Variants in NEDD1 observed in about 807,000 individuals in gnomAD.
NEDD1 encodes the protein NEDD1 gamma-tubulin ring complex targeting factor.
NEDD1 carries 33 observed loss-of-function variants against 74.0 expected under a neutral mutation model. That is an observed-to-expected ratio of 0.45 (90% CI 0.34 to 0.60). NEDD1 has a LOEUF of 0.60. NEDD1 is among the 20% of genes least tolerant of loss of function. The pLI, the probability that NEDD1 is intolerant of heterozygous loss-of-function variation, is 0.01. For synonymous variants in NEDD1, 250 were observed against 264.4 expected (o/e 0.95, Z 0.53); for missense variants, 746 against 776.5 (o/e 0.96, Z 0.47).
At chr12:96,912,367 A>C (rs1874007090) in intron 3 of NEDD1, among the ~76,000 whole-genome samples, 1 of 152,034 alleles carries the variant, frequency 6.6e-6, no homozygotes, top group South Asian at 2.1e-4. Context: ...GTTTCTGTAG[A>C]TGAAAAGGTT....
At chr12:96,930,207 A>G (rs879900263) in intron 6 of NEDD1, among the ~76,000 whole-genome samples, 1 of 91,200 alleles carries the variant, frequency 1.1e-5, no homozygotes, top group South Asian at 3.6e-4. Flanking sequence ...ACACACACAC[A>G]CACACTCTCT....
chr12:96,948,419 A>G (rs1482713571), intron 14 of NEDD1, among the ~76,000 whole-genome samples: 2 of 152,156 alleles, frequency 1.3e-5, no homozygotes, highest in Non-Finnish European at 2.9e-5. Context: ...TGTCAAGGGC[A>G]TGAAGATGGG....
rs1164701122 is a variant in NEDD1, at chr12:96,944,730, A to C, written c.1589A>C (p.Lys530Thr). Residue 530 changes from lysine to threonine, a missense_variant, in exon 13 of 16, where the codon AAG becomes ACG. Physicochemically the swap from Lys to Thr is moderately conservative, Grantham distance 78. Transcript: ENST00000266742. ...NQTRNSEKFEKPENEIEAQLI... is the reference protein window; with the variant it reads ...NQTRNSEKFETPENEIEAQLI... ...ACAAGAAATTCTGAGAAATTTGAAA[A>C]GCCAGAGAATGAAATTGAAGCCCAG... 1 of 1,599,478 alleles carries C rather than the reference A, an allele frequency of 6.3e-7. No homozygotes were observed. Among genetic ancestry groups the C allele is most frequent in the Non-Finnish European group, 8.5e-7 (1 of 1,173,678 alleles).
rs150834909 is a variant in NEDD1, at chr12:96,935,333, T to C, written c.719+128T>C. The C allele has an allele frequency of 1.6e-4, 99 of 620,854 alleles. No individual in the cohort carries two copies. The African/African-American group carries it at 1.8e-3, about 11-fold the overall frequency. The allele number at this position is 620,854 out of a possible 1,614,324, so 38.5% of individuals were successfully genotyped here. A position where few individuals can be genotyped will look rare whatever the true frequency, so the allele number is the denominator to read the frequency against. On this transcript the variant is annotated intron_variant, in intron 7 of 15. Coordinates refer to ENST00000266742, the MANE Select transcript of NEDD1 (RefSeq NM_152905.4). ...TCCTAAAGTTTGTACAGTTGATGGA[T>C]CTAGTAAGAAAGAATTTTCTTCTTA...
intron 3 of NEDD1, among the ~76,000 whole-genome samples, chr12:96,911,876 T>G (rs1873951911): frequency 6.6e-6 from 1 of 152,140 alleles, no homozygotes; most frequent in Admixed American, 6.5e-5. Flanking sequence ...GTTAATGCAG[T>G]TAGGGATTCT....
chr12:96,943,493 A>T, intron 11 of NEDD1, 67 bp from the exon 12 acceptor site: 1 of 1,027,170 alleles, frequency 9.7e-7, no homozygotes, highest in Non-Finnish European at 1.5e-6. Flanking sequence ...CTATCATGTT[A>T]AATGCTTTTC....
chr12:96,909,203 T>C (rs1036079854), intron 2 of NEDD1, among the ~76,000 whole-genome samples: 9 of 150,394 alleles, frequency 6.0e-5, no homozygotes, highest in Non-Finnish European at 8.9e-5. Flanking sequence ...AATTCAGATA[T>C]TAGGAAGTGC....
intron 12 of NEDD1, 63 bp downstream of exon 12, chr12:96,943,825 G>GC: frequency 2.0e-6 from 2 of 1,001,116 alleles, no homozygotes; most frequent in Non-Finnish European, 3.1e-6. Flanking sequence ...GTGGGTGGCT[G>GC]CCAGTGCATG....
chr12:96,908,813 A>G (rs1873592988), intron 2 of NEDD1, among the ~76,000 whole-genome samples: 1 of 152,156 alleles, frequency 6.6e-6, no homozygotes, highest in Non-Finnish European at 1.5e-5. Context: ...ATTTGTTGTG[A>G]AACTGCTGTG....
chr12:96,916,934 G>A (rs1874529327), intron 4 of NEDD1, among the ~76,000 whole-genome samples: 1 of 152,124 alleles, frequency 6.6e-6, no homozygotes, highest in African/African-American at 2.4e-5. Context: ...GAGCCCATGT[G>A]GGATTCATTC....
rs3217159 is a variant in NEDD1 at position 96,945,487 on chromosome 12, T to TTA, written c.1655-197_1655-196dup. 1.8e-3 allele frequency among the ~76,000 whole-genome samples: 270 copies of TTA among 152,152 alleles called. 6 individuals are homozygous for TTA. The East Asian group carries it at 0.04, about 22-fold the overall frequency. Reference sequence around the variant, plus strand: ...GGTATTACATTAGACAGCTGGCAGTTTATATATATAGATAAATGACTATTA... The same window carrying TTA: ...GGTATTACATTAGACAGCTGGCAGTTTATATATATATAGATAAATGACTATTA... On this transcript the variant is annotated intron_variant, in intron 13 of 15. Transcript: ENST00000266742.
chr12:96,951,823 A>G lies in NEDD1; in HGVS notation c.1879-126A>G, dbSNP rs575650734. ...TTAACAAACTAGTAAGTTGTTAAGT[A>G]CAAGAAATATCATTCACCTAGTTAA... On this transcript the variant is annotated intron_variant, in intron 15 of 15. Coordinates refer to ENST00000266742, the MANE Select transcript of NEDD1 (RefSeq NM_152905.4). 3.3e-4 allele frequency: 204 copies of G among 614,640 alleles called. 2 individuals carry two copies. In the South Asian group the frequency reaches 3.5e-3, roughly 10 times the overall value. The allele number at this position is 614,640 out of a possible 1,614,324, so 38.1% of individuals were successfully genotyped here.
intron 4 of NEDD1, among the ~76,000 whole-genome samples, chr12:96,915,346 T>C (rs1874326796): frequency 6.6e-6 from 1 of 152,180 alleles, no homozygotes; most frequent in South Asian, 2.1e-4. Flanking sequence ...TTAGCATGTT[T>C]ATAGTATTTG....
At chr12:96,949,568 A>G (rs939515140) in intron 14 of NEDD1, among the ~76,000 whole-genome samples, 13 of 152,134 alleles carry the variant, frequency 8.5e-5, no homozygotes, top group Admixed American at 3.9e-4. Flanking sequence ...CAAAATATGT[A>G]TGGAAGGAAA....
intron 14 of NEDD1, among the ~76,000 whole-genome samples, chr12:96,949,743 A>G (rs1448963066): frequency 2.6e-5 from 4 of 152,158 alleles, no homozygotes; most frequent in African/African-American, 9.6e-5. Flanking sequence ...AAACCTATGC[A>G]TATATGGAAA....
intron 6 of NEDD1, among the ~76,000 whole-genome samples, 178 bp downstream of exon 6, chr12:96,920,303 T>C (rs1377507362): frequency 6.6e-6 from 1 of 152,030 alleles, no homozygotes; most frequent in East Asian, 1.9e-4. Context: ...ATGGTGCTTA[T>C]ATAAATTTGA....
At chr12:96,913,273 G>C (rs1592857219) in intron 4 of NEDD1, among the ~76,000 whole-genome samples, 1 of 152,222 alleles carries the variant, frequency 6.6e-6, no homozygotes, top group African/African-American at 2.4e-5. Context: ...GGGCCTGTCT[G>C]AGCCTCCCCC....
chr12:96,932,201 C>G (rs1228457180), intron 6 of NEDD1, among the ~76,000 whole-genome samples: 3 of 151,222 alleles, frequency 2.0e-5, no homozygotes, highest in African/African-American at 7.3e-5. Context: ...TTTTTCCCCC[C>G]CATAAGCTTC....
At chr12:96,919,960 A>G in intron 5 of NEDD1, 25 bp from the exon 6 acceptor site, 1 of 1,569,830 alleles carries the variant, frequency 6.4e-7, no homozygotes, top group Non-Finnish European at 8.7e-7. Context: ...GGGGCAGTGT[A>G]CTTACTTTCA....
Sources: allele counts gnomAD v4.1 joint callset (sites outside exome capture counted in the v4.1 genomes callset), GRCh38; gene constraint gnomAD v4.1.1; transcripts MANE v1.5; gene names NCBI Gene and HGNC (gene_info 2026-07-23, HGNC 2026-07-21).